The following CCDC141 variants were observed in gnomAD, a reference collection of about 807,000 sequenced individuals.
CCDC141 encodes the protein coiled-coil domain-containing protein 141.
In CCDC141, 168 loss-of-function variants were observed where a neutral mutation model predicts 181.0. The observed-to-expected ratio is 0.93, with a 90% CI of 0.82 to 1.05. The LOEUF (loss-of-function observed/expected upper bound fraction) is 1.05, where lower values mean the gene tolerates loss of function less well. CCDC141 is among the 50% of genes least tolerant of loss of function. CCDC141 has a pLI of 0.00. For missense variants in CCDC141, 1,902 were observed against 1,788.5 expected, an observed-to-expected ratio of 1.06 and a Z score of -1.14; for synonymous variants, 666 against 642.3, an observed-to-expected ratio of 1.04 and a Z score of -0.56.
intron 2 of CCDC141, among the ~76,000 whole-genome samples, chr2:178,994,297 G>C (rs2154382696): frequency 6.6e-6 from 1 of 152,360 alleles, no homozygotes; most frequent in Middle Eastern, 3.4e-3. Flanking sequence ...TCTAGGAAGA[G>C]GGTCCGAAAG....
rs771628904 is a variant in CCDC141 at position 178,869,066 on chromosome 2, A to G, written c.2394+51T>C. The G allele has an allele frequency of 3.1e-6, 4 of 1,295,014 alleles. No individual in the cohort carries two copies. In the Admixed American group the frequency reaches 1.1e-4, roughly 35 times the overall value. 80.2% of individuals were successfully genotyped at this position (1,295,014 alleles called of 1,614,324 possible). On this transcript the variant is annotated intron_variant, in intron 15 of 23. Coordinates refer to ENST00000443758, the MANE Select transcript of CCDC141 (RefSeq NM_173648.4). ...TTTATTATATAATAATTCATTTTTAATTGCATAGTTTAAAACTCAGGATTT... is the reference window on the plus strand; with the variant it reads ...TTTATTATATAATAATTCATTTTTAGTTGCATAGTTTAAAACTCAGGATTT...
chr2:178,854,613 T>C (rs754590362), intron 19 of CCDC141, among the ~76,000 whole-genome samples: 1 of 152,174 alleles, frequency 6.6e-6, no homozygotes, highest in Non-Finnish European at 1.5e-5. Context: ...TAGAAACACA[T>C]GACTCTGTTA....
Position 178,944,656 on chromosome 2 carries a change from G to C in CCDC141, c.781-5C>G, listed in dbSNP as rs1689657456. On this transcript the variant is annotated splice_region_variant and splice_polypyrimidine_tract_variant and intron_variant, in intron 5 of 23. Transcript: ENST00000443758. ...TTTCTGAAACCAACAAGTAACCTAG[G>C]TAAAAGGCAACAAAGAAAGATCAAA... is the stretch of plus-strand genomic sequence containing the variant. 1.1e-5 allele frequency: 15 copies of C among 1,328,348 alleles called. No individual in the cohort carries two copies. Among genetic ancestry groups the C allele is most frequent in the Non-Finnish European group, 1.6e-5 (15 of 965,548 alleles). The allele number at this position is 1,328,348 out of a possible 1,614,324, so 82.3% of individuals were successfully genotyped here.
intron 8 of CCDC141, among the ~76,000 whole-genome samples, chr2:178,905,075 C>T (rs1010332460): frequency 6.6e-6 from 1 of 152,162 alleles, no homozygotes; most frequent in Non-Finnish European, 1.5e-5. Flanking sequence ...TTCCCTTTCC[C>T]CTCCTCAGAA....
Position 178,834,112 on chromosome 2 carries a change from T to C in CCDC141, c.*61A>G, listed in dbSNP as rs1207946584. On this transcript the variant is annotated 3_prime_UTR_variant, in exon 24 of 24. Coordinates refer to ENST00000443758, the MANE Select transcript of CCDC141 (RefSeq NM_173648.4). ...ATGCTTTGCAGGAGGTGCAGGAAGA[T>C]AAACGGCGGCACTTTTCTTTAGGCA... 2.7e-6 allele frequency: 4 copies of C among 1,496,382 alleles called. No individual in the cohort carries two copies. The highest frequency in any genetic ancestry group is 1.4e-5 in the African/African-American group (1 of 72,090). 92.7% of individuals were successfully genotyped at this position (1,496,382 alleles called of 1,614,324 possible). A position where few individuals can be genotyped will look rare whatever the true frequency, so the allele number is the denominator to read the frequency against.
intron 21 of CCDC141, among the ~76,000 whole-genome samples, chr2:178,848,949 G>A (rs1334367898): frequency 1.3e-5 from 2 of 151,846 alleles, no homozygotes; most frequent in African/African-American, 2.4e-5. Flanking sequence ...TTTATGTGTG[G>A]GTAATAATAC....
chr2:178,871,831 T>C (rs903785496), intron 13 of CCDC141, among the ~76,000 whole-genome samples: 1 of 152,134 alleles, frequency 6.6e-6, no homozygotes, highest in African/African-American at 2.4e-5. Context: ...TACATTCACA[T>C]CAATGTGCAA....
chr2:179,035,227 A>C (rs924801), intron 2 of CCDC141, among the ~76,000 whole-genome samples: 115,256 of 152,042 alleles, frequency 0.76, 44,148 homozygotes, highest in East Asian at 0.93. Flanking sequence ...CTTCATAAAG[A>C]AAACCTCTCA....
intron 9 of CCDC141, among the ~76,000 whole-genome samples, chr2:178,887,533 G>C (rs1364198213): frequency 2.0e-5 from 3 of 152,098 alleles, no homozygotes; most frequent in Non-Finnish European, 4.4e-5. Context: ...ATTGGCAATA[G>C]GACAAGCAGC....
intron 2 of CCDC141, among the ~76,000 whole-genome samples, chr2:178,988,487 A>T (rs1156351469): frequency 1.7e-5 from 1 of 57,956 alleles, no homozygotes; most frequent in Non-Finnish European, 6.9e-5. Flanking sequence ...AATAAATAAT[A>T]AAAAAAAAGA....
intron 21 of CCDC141, among the ~76,000 whole-genome samples, chr2:178,846,661 T>C (rs1684952560): frequency 6.6e-6 from 1 of 152,164 alleles, no homozygotes; most frequent in African/African-American, 2.4e-5. Flanking sequence ...TCAGCTGGTG[T>C]GGAAAGAATG....
chr2:178,900,555 G>A (rs1687636212), intron 8 of CCDC141, among the ~76,000 whole-genome samples: 1 of 151,964 alleles, frequency 6.6e-6, no homozygotes, highest in African/African-American at 2.4e-5. Flanking sequence ...ACCACTCTTG[G>A]CACATAAAGA....
intron 2 of CCDC141, among the ~76,000 whole-genome samples, chr2:178,985,825 A>G (rs1448770417): frequency 3.9e-5 from 6 of 152,206 alleles, no homozygotes; most frequent in African/African-American, 1.4e-4. Flanking sequence ...GCAATAATCA[A>G]TAGTGTACCA....
At chr2:178,922,890 C>A (rs1367360871) in intron 6 of CCDC141, among the ~76,000 whole-genome samples, 1 of 152,140 alleles carries the variant, frequency 6.6e-6, no homozygotes, top group Non-Finnish European at 1.5e-5. Context: ...GTTCTCCATC[C>A]CCAGTCTTCT....
At chr2:179,047,184 A>T in intron 2 of CCDC141, 100 bp downstream of exon 2, 1 of 1,020,768 alleles carries the variant, frequency 9.8e-7, no homozygotes, top group Non-Finnish European at 1.3e-6. Flanking sequence ...ACCATATTAA[A>T]GTGGCCCTAG....
At chr2:178,821,958 G>A in the CCDC141 span, among the ~76,000 whole-genome samples, 18 of 152,016 alleles carry the variant, frequency 1.2e-4, no homozygotes, top group Admixed American at 3.3e-4. Flanking sequence ...ACATGCACAC[G>A]TATGTTTATT....
intron 2 of CCDC141, among the ~76,000 whole-genome samples, chr2:178,996,355 G>C (rs965166948): frequency 7.9e-5 from 12 of 152,120 alleles, no homozygotes; most frequent in African/African-American, 2.9e-4. Context: ...TGGGATTAAA[G>C]GTGTGAGCCA....
At chr2:178,855,742 A>G (rs1358255141) in intron 18 of CCDC141, among the ~76,000 whole-genome samples, 2 of 152,242 alleles carry the variant, frequency 1.3e-5, no homozygotes, top group Admixed American at 1.3e-4. Flanking sequence ...TAAATAGAAA[A>G]TGTACACAGG....
At position 179,008,813 on chromosome 2, in the gene CCDC141, G is replaced by T. The variant is rs190600199; in HGVS notation, c.226-30138C>A. 4.6e-4 allele frequency among the ~76,000 whole-genome samples: 70 copies of T among 152,218 alleles called. No homozygotes were observed. In the Middle Eastern group the frequency reaches 0.014, roughly 30 times the overall value. ...CCTGAAAATGTCCCTCTTCACTGTT[G>T]TTCTTTTAACTTTAGATGTTCTCTC... On this transcript the variant is annotated intron_variant, in intron 2 of 23. Transcript: ENST00000443758.
Sources: allele counts gnomAD v4.1 joint callset (sites outside exome capture counted in the v4.1 genomes callset), GRCh38; gene constraint gnomAD v4.1.1; transcripts MANE v1.5; gene names NCBI Gene and HGNC (gene_info 2026-07-23, HGNC 2026-07-21).